The following EHMT1 variants were observed in gnomAD, a reference collection of about 807,000 sequenced individuals.
The protein encoded by EHMT1 is euchromatic histone lysine methyltransferase 1, also known as histone-lysine N-methyltransferase EHMT1.
EHMT1 carries 15 observed loss-of-function variants against 147.2 expected under a neutral mutation model. That is an observed-to-expected ratio of 0.10 (90% confidence interval 0.07 to 0.16). EHMT1 has a LOEUF of 0.16. EHMT1 is among the 10% of genes least tolerant of loss of function. EHMT1 has a pLI of 1.00. For missense variants in EHMT1, 1,587 were observed against 1,772.4 expected, an observed-to-expected ratio of 0.90 and a Z score of 1.88; for synonymous variants, 795 against 709.6, an observed-to-expected ratio of 1.12 and a Z score of -1.91.
intron 1 of EHMT1, among the ~76,000 whole-genome samples, chr9:137,677,636 A>C (rs1323374984): frequency 6.6e-6 from 1 of 152,082 alleles, no homozygotes; most frequent in Non-Finnish European, 1.5e-5. Flanking sequence ...CGTGTTAGCC[A>C]GGACTAGGCA....
At chr9:137,689,703 A>G (rs1324964854) in intron 1 of EHMT1, among the ~76,000 whole-genome samples, 1 of 152,222 alleles carries the variant, frequency 6.6e-6, no homozygotes, top group Non-Finnish European at 1.5e-5. Context: ...ACTCCGTCTC[A>G]AAAGAAAAAG....
intron 4 of EHMT1, chr9:137,728,732 T>C: frequency 1.5e-6 from 1 of 656,382 alleles, no homozygotes; most frequent in East Asian, 2.7e-5. Flanking sequence ...CATGCCAGCA[T>C]TGATTTCCTA....
intron 1 of EHMT1, among the ~76,000 whole-genome samples, chr9:137,699,634 C>T (rs997839916): frequency 2.0e-5 from 3 of 151,472 alleles, no homozygotes; most frequent in Admixed American, 6.6e-5. Flanking sequence ...GAGATTGCGC[C>T]ACTGCATTCC....
chr9:137,763,244 C>G (rs1397624258), intron 10 of EHMT1: 2 of 357,724 alleles, frequency 5.6e-6, no homozygotes, highest in African/African-American at 2.1e-5. Context: ...CCTCCTTTCA[C>G]CGGGGATCAC....
At chr9:137,827,679 C>T (rs1359793546) in intron 25 of EHMT1, among the ~76,000 whole-genome samples, 1 of 152,228 alleles carries the variant, frequency 6.6e-6, no homozygotes, top group Non-Finnish European at 1.5e-5. Context: ...CCCCCCTCCA[C>T]TGCTGTCACA....
chr9:137,835,289 A>C lies in EHMT1; in HGVS notation c.*336A>C. On this transcript the variant is annotated 3_prime_UTR_variant, in exon 27 of 27. Transcript: ENST00000460843. ...GCGAAGTTTCTCGTTTCTTCCTCTGACCTCCGAGGTCCCCGCTGCACCACG... is the reference window on the plus strand; with the variant it reads ...GCGAAGTTTCTCGTTTCTTCCTCTGCCCTCCGAGGTCCCCGCTGCACCACG... 9.0e-6 allele frequency: 2 copies of C among 222,554 alleles called. No homozygotes were observed. The highest frequency in any genetic ancestry group is 1.7e-5 in the Non-Finnish European group (2 of 115,698). The allele number at this position is 222,554 out of a possible 1,614,324, so 13.8% of individuals were successfully genotyped here. A position where few individuals can be genotyped will look rare whatever the true frequency, so the allele number is the denominator to read the frequency against.
chr9:137,631,226 A>C (rs901945262), intron 1 of EHMT1, among the ~76,000 whole-genome samples: 1 of 151,808 alleles, frequency 6.6e-6, no homozygotes, highest in African/African-American at 2.4e-5. Context: ...CCTGTCTCTA[A>C]TAAAAATATA....
chr9:137,784,924 G>A (rs1420034877), intron 15 of EHMT1: 1 of 152,860 alleles, frequency 6.5e-6, no homozygotes, highest in African/African-American at 2.4e-5. Flanking sequence ...GTGGGCTGTG[G>A]TTCATGGTGA....
intron 6 of EHMT1, 112 bp from the exon 7 acceptor site, chr9:137,752,219 T>C: frequency 1.6e-6 from 2 of 1,288,938 alleles, no homozygotes; most frequent in Non-Finnish European, 2.2e-6. Flanking sequence ...CTCCGGCGTG[T>C]GCGGCCAGTG....
At chr9:137,774,977 T>C in intron 10 of EHMT1, 132 bp from the exon 11 acceptor site, 1 of 1,334,088 alleles carries the variant, frequency 7.5e-7, no homozygotes, top group Non-Finnish European at 1.1e-6. Context: ...CAAGCTGGCC[T>C]TGCAGGGCTC....
intron 14 of EHMT1, among the ~76,000 whole-genome samples, chr9:137,781,237 C>CGCTGAGACGTGTGAT (rs1951492934): frequency 1.9e-5 from 1 of 52,848 alleles, no homozygotes; most frequent in Non-Finnish European, 3.0e-5. Context: ...CGTGTGGTGA[C>CGCTGAGACGTGTGAT]GACGCTGGGA....
intron 10 of EHMT1, among the ~76,000 whole-genome samples, chr9:137,769,985 C>T (rs114966173): frequency 0.01 from 1,579 of 152,156 alleles, 25 homozygotes; most frequent in African/African-American, 0.036. Flanking sequence ...TATACACTTG[C>T]GCCACCACAC....
At chr9:137,801,093 T>TGACCTCTTCCTGTGGCAGCATC (rs1953443529) in intron 18 of EHMT1, 109 bp downstream of exon 18, 1 of 943,510 alleles carries the variant, frequency 1.1e-6, no homozygotes, top group Non-Finnish European at 1.7e-6. Flanking sequence ...GTGGCGGCTT[T>TGACCTCTTCCTGTGGCAGCATC]GACCTCTTCC....
chr9:137,745,796 T>C (rs1248762289), intron 6 of EHMT1: 1 of 355,566 alleles, frequency 2.8e-6, no homozygotes, highest in Non-Finnish European at 5.0e-6. Flanking sequence ...AGTGTAGCAC[T>C]TTGATGTCAC....
chr9:137,818,002 T>TCTGTGGGCAGTGCTC, intron 24 of EHMT1, 58 bp from the exon 25 acceptor site: 1 of 1,549,842 alleles, frequency 6.5e-7, no homozygotes, highest in Admixed American at 1.7e-5. Context: ...GGGCTGTGCT[T>TCTGTGGGCAGTGCTC]GTCTGTGGGC....
chr9:137,800,836 GC>G, intron 17 of EHMT1, 43 bp from the exon 18 acceptor site: 1 of 1,579,810 alleles, frequency 6.3e-7, no homozygotes, highest in Non-Finnish European at 8.7e-7. Flanking sequence ...TCTGGTGGTT[GC>G]CGGTCTCTGG....
At chr9:137,699,610 G>C (rs1943671370) in intron 1 of EHMT1, among the ~76,000 whole-genome samples, 1 of 152,036 alleles carries the variant, frequency 6.6e-6, no homozygotes, top group Non-Finnish European at 1.5e-5. Flanking sequence ...AGGAGGCGGA[G>C]GTTATAGTGA....
At position 137,717,026 on chromosome 9, in the gene EHMT1, C is replaced by G; in HGVS notation, c.486C>G (p.Gly162=). Residue 162 remains glycine, a synonymous_variant, in exon 3 of 27, where the codon GGC becomes GGG. Coordinates refer to ENST00000460843, the MANE Select transcript of EHMT1 (RefSeq NM_024757.5). ...CCCTTCCTGGAGGGGCTGGCAAAGG[C>G]AGGACTCCAAGCGCTTTTCCCCAGA... ...AKTLPGGAGK[G]RTPSAFPQTP... is the part of the protein sequence containing the mutation. 1 of 1,606,516 alleles carries G rather than the reference C, an allele frequency of 6.2e-7. No individual in the cohort carries two copies.
At chr9:137,672,437 T>C (rs1940784332) in intron 1 of EHMT1, among the ~76,000 whole-genome samples, 2 of 152,250 alleles carry the variant, frequency 1.3e-5, no homozygotes, top group South Asian at 2.1e-4. Flanking sequence ...GTAAATTTTA[T>C]GTTAGCACGT....
Sources: gnomAD v4.1 joint callset for allele counts (sites outside exome capture counted in the v4.1 genomes callset) on GRCh38, gnomAD v4.1.1 for gene constraint, MANE v1.5 for transcripts, NCBI Gene and HGNC (gene_info 2026-07-23, HGNC 2026-07-21) for gene names.